Variants in MCC observed in about 807,000 individuals in gnomAD.
The protein encoded by MCC is MCC regulator of Wnt signaling pathway.
Under a neutral mutation model 116.2 loss-of-function variants are expected in MCC, and 90 were observed. That is an observed-to-expected ratio of 0.77 (90% confidence interval 0.65 to 0.92). MCC has a LOEUF of 0.92. Among genes scored for constraint, MCC ranks in the 40% least tolerant of loss-of-function variants. MCC has a pLI of 0.00. For missense variants in MCC, 1,516 were observed against 1,312.2 expected (o/e 1.16, Z -2.40); for synonymous variants, 578 against 510.5 (o/e 1.13, Z -1.78).
intron 3 of MCC, among the ~76,000 whole-genome samples, chr5:113,255,210 C>A (rs573345125): frequency 6.6e-6 from 1 of 152,222 alleles, no homozygotes; most frequent in Admixed American, 6.5e-5. Flanking sequence ...TTCCCCCACC[C>A]CTTTTGCAAT....
chr5:113,117,652 A>C (rs1235651393), intron 6 of MCC, among the ~76,000 whole-genome samples: 2 of 152,234 alleles, frequency 1.3e-5, no homozygotes, highest in East Asian at 3.8e-4. Context: ...TTTGTTTTGG[A>C]AACAGTTGCT....
intron 12 of MCC, among the ~76,000 whole-genome samples, chr5:113,068,950 T>C (rs1041164686): frequency 3.3e-5 from 5 of 152,238 alleles, no homozygotes; most frequent in African/African-American, 1.2e-4. Flanking sequence ...TGATTAGTCA[T>C]ACAACAATAG....
At chr5:113,170,990 A>G (rs1761044472) in intron 3 of MCC, among the ~76,000 whole-genome samples, 1 of 151,994 alleles carries the variant, frequency 6.6e-6, no homozygotes, top group Admixed American at 6.6e-5. Flanking sequence ...GCGTCCCTAA[A>G]GCTTTGGCTT....
At chr5:113,389,693 T>C (rs966715996) in intron 1 of MCC, among the ~76,000 whole-genome samples, 3 of 152,234 alleles carry the variant, frequency 2.0e-5, no homozygotes, top group African/African-American at 7.2e-5. Flanking sequence ...GTGTTGATGC[T>C]ACGTCAATTC....
At chr5:113,335,325 G>T (rs1445040785) in intron 3 of MCC, among the ~76,000 whole-genome samples, 1 of 151,602 alleles carries the variant, frequency 6.6e-6, no homozygotes, top group African/African-American at 2.4e-5. Context: ...TGTCCACATG[G>T]CTTCTCTTCT....
chr5:113,151,400 G>A lies in MCC; in HGVS notation c.650C>T (p.Ser217Leu). The change falls in exon 4 of 19, where the codon TCA (serine) becomes TTA (leucine). Residue 217 changes from serine (S) to leucine (L), a missense_variant. Physicochemically the swap from Ser to Leu is moderately radical, Grantham distance 145. Transcript: ENST00000408903. Reference sequence around the variant, plus strand: ...AAGTTCCACTATATCTCCCTTTAGTGATGCCAGGGCTGCTGAATGGAGCTG... The same window carrying A: ...AAGTTCCACTATATCTCCCTTTAGTAATGCCAGGGCTGCTGAATGGAGCTG... ...ANTLHSAALA[S>L]LKGDIVELNK... 6.2e-7 allele frequency: 1 copy of A among 1,611,060 alleles called. No homozygotes were observed. Among genetic ancestry groups the A allele is most frequent in the East Asian group, 2.2e-5 (1 of 44,800 alleles).
chr5:113,084,038 A>G lies in MCC; in HGVS notation c.1635+63T>C, dbSNP rs1305138112. On this transcript the variant is annotated intron_variant, in intron 10 of 18. Coordinates refer to ENST00000408903, the MANE Select transcript of MCC (RefSeq NM_001085377.2). ...GACTTTGGAAGTTCTTCTGTCATCT[A>G]TAATCCATTGTCTGTGTAGCTCTGC... The G allele has an allele frequency of 2.3e-6, 3 of 1,291,932 alleles. No individual in the cohort carries two copies. In the East Asian group the frequency reaches 6.9e-5, roughly 30 times the overall value. The allele number at this position is 1,291,932 out of a possible 1,614,324, so 80.0% of individuals were successfully genotyped here. A position where few individuals can be genotyped will look rare whatever the true frequency, so the allele number is the denominator to read the frequency against.
At chr5:113,291,670 T>C (rs977271711) in intron 3 of MCC, among the ~76,000 whole-genome samples, 1 of 152,164 alleles carries the variant, frequency 6.6e-6, no homozygotes, top group Non-Finnish European at 1.5e-5. Context: ...CTGAGGGGTT[T>C]TATTAGCTCT....
chr5:113,190,924 T>C (rs761683212), intron 3 of MCC, among the ~76,000 whole-genome samples: 2 of 152,314 alleles, frequency 1.3e-5, no homozygotes, highest in South Asian at 4.1e-4. Flanking sequence ...CCAAGGCAAG[T>C]ACTCTGAAGT....
chr5:113,236,285 C>T (rs2150336851), intron 3 of MCC, among the ~76,000 whole-genome samples: 1 of 152,314 alleles, frequency 6.6e-6, no homozygotes, highest in South Asian at 2.1e-4. Flanking sequence ...GCATTTGCTG[C>T]ATAAACCAAG....
At chr5:113,467,434 A>G (rs2150428940) in intron 1 of MCC, among the ~76,000 whole-genome samples, 1 of 152,342 alleles carries the variant, frequency 6.6e-6, no homozygotes, top group East Asian at 1.9e-4. Flanking sequence ...CCATTTATTA[A>G]ATAGGGAATC....
chr5:113,086,855 G>A (rs1755232528), intron 8 of MCC, among the ~76,000 whole-genome samples: 2 of 152,160 alleles, frequency 1.3e-5, no homozygotes, highest in African/African-American at 4.8e-5. Flanking sequence ...TCCCCCAGAG[G>A]GCTTGCTAAA....
chr5:113,062,867 A>G (rs959927396), intron 14 of MCC, among the ~76,000 whole-genome samples: 3 of 152,214 alleles, frequency 2.0e-5, no homozygotes, highest in Admixed American at 6.5e-5. Context: ...GGAGAAAGAG[A>G]GAGGGGAACA....
intron 5 of MCC, among the ~76,000 whole-genome samples, chr5:113,137,677 C>T (rs1758921838): frequency 6.6e-6 from 1 of 152,018 alleles, no homozygotes; most frequent in Admixed American, 6.6e-5. Flanking sequence ...TGTTGTTATG[C>T]CCCTGTCTGC....
rs761873600 is a variant in MCC at position 113,027,130 on chromosome 5, AC to A, written c.*171del. The A allele has an allele frequency of 1.2e-5, 8 of 640,018 alleles. No individual in the cohort carries two copies. The highest frequency in any genetic ancestry group is 2.1e-5 in the Non-Finnish European group (8 of 372,150). 39.6% of individuals were successfully genotyped at this position (640,018 alleles called of 1,614,324 possible). On this transcript the variant is annotated 3_prime_UTR_variant, in exon 19 of 19. Transcript: ENST00000408903. ...ACCTCTGGATACAGTCCACAATGTC[AC>A]CATGGCCAGTCGCCCCAAGGGTTGA...
chr5:113,276,597 T>C (rs1451416830), intron 3 of MCC, among the ~76,000 whole-genome samples: 1 of 152,150 alleles, frequency 6.6e-6, no homozygotes, highest in Non-Finnish European at 1.5e-5. Flanking sequence ...TATTATGATA[T>C]ATAAGATGGA....
At chr5:113,433,646 C>A in intron 1 of MCC, 1 of 1,442,142 alleles carries the variant, frequency 6.9e-7, no homozygotes, top group Non-Finnish European at 9.3e-7. Flanking sequence ...TCATCTGGGA[C>A]TGCCTTCCTT....
chr5:113,406,119 CTTG>C (rs1283735378), intron 1 of MCC, among the ~76,000 whole-genome samples: 1 of 152,184 alleles, frequency 6.6e-6, no homozygotes, highest in African/African-American at 2.4e-5. Context: ...AACATTCAAA[CTTG>C]TTAAAAGCCT....
At chr5:113,090,917 AAAG>A (rs1755580163) in intron 8 of MCC, among the ~76,000 whole-genome samples, 1 of 152,212 alleles carries the variant, frequency 6.6e-6, no homozygotes, top group African/African-American at 2.4e-5. Flanking sequence ...CAGAAATGAG[AAAG>A]AAGGCTGAAG....
Sources: allele counts gnomAD v4.1 joint callset (sites outside exome capture counted in the v4.1 genomes callset), GRCh38; gene constraint gnomAD v4.1.1; transcripts MANE v1.5; gene names NCBI Gene and HGNC (gene_info 2026-07-23, HGNC 2026-07-21).